Variants in NOL4L observed in about 807,000 individuals in gnomAD.
The protein encoded by NOL4L is nucleolar protein 4 like, also known as nucleolar protein 4-like.
Under a neutral mutation model 64.5 loss-of-function variants are expected in NOL4L, and 7 were observed. That is an observed-to-expected ratio of 0.11 (90% confidence interval 0.06 to 0.20). NOL4L has a LOEUF of 0.20. Ranked by LOEUF, NOL4L falls within the 10% of genes least tolerant of loss-of-function variation. The pLI, the probability that NOL4L is intolerant of heterozygous loss-of-function variation, is 1.00. For synonymous variants in NOL4L, 413 were observed against 401.0 expected (o/e 1.03, Z -0.36); for missense variants, 680 against 967.1 (o/e 0.70, Z 3.94).
chr20:32,533,883 CG>C (rs2018426180), intron 1 of NOL4L, among the ~76,000 whole-genome samples: 1 of 152,184 alleles, frequency 6.6e-6, no homozygotes, highest in African/African-American at 2.4e-5. Context: ...AGGCTCCTGC[CG>C]GGGCGACCTC....
At chr20:32,546,012 G>A (rs938339488) in intron 1 of NOL4L, among the ~76,000 whole-genome samples, 1 of 148,466 alleles carries the variant, frequency 6.7e-6, no homozygotes, top group Non-Finnish European at 1.5e-5. Context: ...GCAGTGGCAT[G>A]ATCTTGGCTC....
chr20:32,509,168 AT>A (rs1402084066), intron 4 of NOL4L, among the ~76,000 whole-genome samples: 2 of 152,036 alleles, frequency 1.3e-5, no homozygotes, highest in Non-Finnish European at 2.9e-5. Context: ...TCCATTGTTT[AT>A]CACTGCCTGC....
Position 32,475,078 on chromosome 20 carries a change from G to A in NOL4L, c.700-336C>T, listed in dbSNP as rs923620294. On this transcript the variant is annotated intron_variant, in intron 4 of 10. Transcript: ENST00000621426. ...ACAAGCGCTGTAAACAAGGGCTGCC[G>A]CTCCCTGCTCTCAGCCCAGGGACCG... 5.1e-6 allele frequency: 5 copies of A among 985,330 alleles called. No homozygotes were observed. In the African/African-American group the frequency reaches 5.2e-5, roughly 10 times the overall value. The allele number at this position is 985,330 out of a possible 1,614,324, so 61.0% of individuals were successfully genotyped here. A position where few individuals can be genotyped will look rare whatever the true frequency, so the allele number is the denominator to read the frequency against.
At chr20:32,577,351 A>T (rs1336162429) in intron 1 of NOL4L, among the ~76,000 whole-genome samples, 1 of 152,190 alleles carries the variant, frequency 6.6e-6, no homozygotes, top group Non-Finnish European at 1.5e-5. Context: ...GCCTTGGGAA[A>T]GCCCTCCAGC....
chr20:32,543,324 C>T (rs1270399268), intron 1 of NOL4L, among the ~76,000 whole-genome samples: 1 of 152,196 alleles, frequency 6.6e-6, no homozygotes, highest in East Asian at 1.9e-4. Flanking sequence ...ACTAAAAATG[C>T]AAAAATTAGC....
In NOL4L at chr20:32,452,914, C is replaced by G. The variant is rs778191302; in HGVS notation, c.1590G>C (p.Arg530=). 1.3e-5 allele frequency: 21 copies of G among 1,614,004 alleles called. No individual in the cohort carries two copies. The highest frequency in any genetic ancestry group is 1.6e-4 in the Middle Eastern group (1 of 6,082). Residue 530 remains arginine, a synonymous_variant, in exon 9 of 11, where the codon CGG becomes CGC. Coordinates refer to ENST00000621426, the MANE Select transcript of NOL4L (RefSeq NM_001256798.2). ...CESETRKAAK[R]MRLEIYQSSQ... ...AGGACTGGTAGATCTCTAGACGCAT[C>G]CGCTTGGCTGCCTTTCTTGTCTCGC...
At chr20:32,486,054 T>C (rs2016075115) in intron 4 of NOL4L, among the ~76,000 whole-genome samples, 3 of 152,238 alleles carry the variant, frequency 2.0e-5, no homozygotes, top group Admixed American at 2.0e-4. Context: ...AGCCCAGCCC[T>C]GCTCAACCCA....
chr20:32,474,052 G>A (rs2015214335), intron 5 of NOL4L, among the ~76,000 whole-genome samples: 1 of 152,232 alleles, frequency 6.6e-6, no homozygotes, highest in South Asian at 2.1e-4. Context: ...GGAGTAGGCT[G>A]CCTGGCAGGC....
chr20:32,482,585 G>A (rs973486308), intron 4 of NOL4L, among the ~76,000 whole-genome samples: 1 of 151,786 alleles, frequency 6.6e-6, no homozygotes, highest in Non-Finnish European at 1.5e-5. Flanking sequence ...CCCTGCGCGC[G>A]CCCTCGAGGC....
In NOL4L at chr20:32,443,862, C is replaced by A. The variant is rs2012226872; in HGVS notation, c.*3734G>T. 6.6e-6 allele frequency: 1 copy of A among 152,168 alleles called. No individual in the cohort carries two copies. Among genetic ancestry groups the A allele is most frequent in the Admixed American group, 6.5e-5 (1 of 15,290 alleles). 9.4% of individuals were successfully genotyped at this position (152,168 alleles called of 1,614,324 possible). A position where few individuals can be genotyped will look rare whatever the true frequency, so the allele number is the denominator to read the frequency against. Reference sequence around the variant, plus strand: ...GTCCATGCAGTTACCCACCAGCAGCCAATAAGAGGTCTCTCTTCTGACTCC... The same window carrying A: ...GTCCATGCAGTTACCCACCAGCAGCAAATAAGAGGTCTCTCTTCTGACTCC... On this transcript the variant is annotated 3_prime_UTR_variant, in exon 11 of 11. Coordinates refer to ENST00000621426, the MANE Select transcript of NOL4L (RefSeq NM_001256798.2).
At chr20:32,462,166 TA>T (rs533553137) in intron 5 of NOL4L, among the ~76,000 whole-genome samples, 9 of 152,302 alleles carry the variant, frequency 5.9e-5, no homozygotes, top group African/African-American at 9.6e-5. Context: ...GCAGGGCTGA[TA>T]GGGGGCACAG....
intron 3 of NOL4L, among the ~76,000 whole-genome samples, chr20:32,515,777 C>A (rs1434361373): frequency 2.6e-5 from 4 of 152,170 alleles, no homozygotes; most frequent in Non-Finnish European, 2.9e-5. Flanking sequence ...ACTCTGTTGC[C>A]ATGGAGAAGG....
chr20:32,493,852 A>G (rs1171361993), intron 4 of NOL4L, among the ~76,000 whole-genome samples: 1 of 152,004 alleles, frequency 6.6e-6, no homozygotes, highest in African/African-American at 2.4e-5. Flanking sequence ...CCCTACCCTG[A>G]CTGTTGCTTT....
chr20:32,449,585 G>A (rs776010481), intron 10 of NOL4L, among the ~76,000 whole-genome samples: 20 of 152,200 alleles, frequency 1.3e-4, no homozygotes, highest in Admixed American at 2.0e-4. Flanking sequence ...TCTAAATAGC[G>A]TCCTTGGAAT....
chr20:32,566,170 G>T (rs1489336127), intron 1 of NOL4L, among the ~76,000 whole-genome samples: 1 of 152,170 alleles, frequency 6.6e-6, no homozygotes, highest in African/African-American at 2.4e-5. Context: ...CGGTTCTATG[G>T]GCTGCAAAAC....
chr20:32,549,702 G>C (rs1186372660), intron 1 of NOL4L, among the ~76,000 whole-genome samples: 1 of 152,146 alleles, frequency 6.6e-6, no homozygotes, highest in Non-Finnish European at 1.5e-5. Flanking sequence ...GCAGTGAGCC[G>C]AGATCGCGCC....
chr20:32,579,199 T>A (rs1007920127), intron 1 of NOL4L, among the ~76,000 whole-genome samples: 1 of 152,144 alleles, frequency 6.6e-6, no homozygotes, highest in Non-Finnish European at 1.5e-5. Flanking sequence ...GGTGCTCACA[T>A]AGATGCCGAC....
At chr20:32,457,252 G>GCCCCAT (rs1399326783) in intron 5 of NOL4L, among the ~76,000 whole-genome samples, 1 of 152,188 alleles carries the variant, frequency 6.6e-6, no homozygotes, top group East Asian at 1.9e-4. Flanking sequence ...CCCAGCCCCA[G>GCCCCAT]CCCCGGCCTC....
intron 4 of NOL4L, among the ~76,000 whole-genome samples, chr20:32,497,284 T>C (rs2016732593): frequency 7.3e-6 from 1 of 136,164 alleles, no homozygotes; most frequent in African/African-American, 2.7e-5. Context: ...TGCTCTTTGC[T>C]GGGGGTGACA....
Sources: gnomAD v4.1 joint callset for allele counts (sites outside exome capture counted in the v4.1 genomes callset) on GRCh38, gnomAD v4.1.1 for gene constraint, MANE v1.5 for transcripts, NCBI Gene and HGNC (gene_info 2026-07-23, HGNC 2026-07-21) for gene names.